The following RPGRIP1L variants were observed in gnomAD, a reference collection of about 807,000 sequenced individuals.
RPGRIP1L encodes the protein protein fantom.
In RPGRIP1L, 131 loss-of-function variants were observed where a neutral mutation model predicts 160.4. The ratio of observed to expected loss-of-function variants is 0.82; its 90% CI spans 0.71 to 0.94. The LOEUF (loss-of-function observed/expected upper bound fraction) is 0.94, where lower values mean the gene tolerates loss of function less well. Among genes scored for constraint, RPGRIP1L ranks in the 40% least tolerant of loss-of-function variants. The pLI, the probability that RPGRIP1L is intolerant of heterozygous loss-of-function variation, is 0.00. For missense variants in RPGRIP1L, 1,522 were observed against 1,535.8 expected, an observed-to-expected ratio of 0.99 and a Z score of 0.15; for synonymous variants, 510 against 515.8, an observed-to-expected ratio of 0.99 and a Z score of 0.15.
chr16:53,700,775 C>T, intron 1 of RPGRIP1L, 45 bp from the exon 2 acceptor site: 1 of 1,434,562 alleles, frequency 7.0e-7, no homozygotes. Flanking sequence ...CAAATTATTA[C>T]ATTAACTATG....
chr16:53,613,412 T>G (rs1964175615), intron 24 of RPGRIP1L, among the ~76,000 whole-genome samples: 2 of 152,002 alleles, frequency 1.3e-5, no homozygotes, highest in African/African-American at 4.8e-5. Flanking sequence ...TGGGCTCAAC[T>G]GATCCTCCCA....
chr16:53,626,216 T>C (rs1235411279), intron 22 of RPGRIP1L, among the ~76,000 whole-genome samples: 1 of 146,166 alleles, frequency 6.8e-6, no homozygotes, highest in African/African-American at 2.5e-5. Context: ...ATGTCCTAAA[T>C]AATATACTGA....
At chr16:53,677,246 C>T (rs1050980422) in intron 6 of RPGRIP1L, among the ~76,000 whole-genome samples, 1 of 152,020 alleles carries the variant, frequency 6.6e-6, no homozygotes, top group Non-Finnish European at 1.5e-5. Context: ...ATACAACTTA[C>T]GTAGTATTTA....
chr16:53,673,075 CT>C, intron 7 of RPGRIP1L, 59 bp from the exon 8 acceptor site: 1 of 1,475,938 alleles, frequency 6.8e-7, no homozygotes, highest in Non-Finnish European at 9.4e-7. Context: ...TTAAATTTGA[CT>C]AAATGATTTG....
intron 24 of RPGRIP1L, among the ~76,000 whole-genome samples, chr16:53,612,033 A>G (rs961513767): frequency 1.3e-5 from 2 of 152,222 alleles, no homozygotes; most frequent in Admixed American, 6.5e-5. Flanking sequence ...TCCCTGAACA[A>G]TTTTAGTTCA....
At chr16:53,604,263 A>G (rs1963540459) in intron 26 of RPGRIP1L, among the ~76,000 whole-genome samples, 1 of 152,262 alleles carries the variant, frequency 6.6e-6, no homozygotes, top group African/African-American at 2.4e-5. Context: ...ACTTTTCAGC[A>G]CTTGACACAT....
chr16:53,624,744 TG>T, intron 22 of RPGRIP1L, among the ~76,000 whole-genome samples: 1 of 151,878 alleles, frequency 6.6e-6, no homozygotes, highest in East Asian at 1.9e-4. Flanking sequence ...CATAAGAAAA[TG>T]GGAGTCCCTC....
At chr16:53,645,308 CAAT>C (rs917640714) in intron 17 of RPGRIP1L, among the ~76,000 whole-genome samples, 5 of 151,350 alleles carry the variant, frequency 3.3e-5, no homozygotes, top group African/African-American at 1.2e-4. Flanking sequence ...TACATATATA[CAAT>C]AATAATTGCA....
intron 24 of RPGRIP1L, among the ~76,000 whole-genome samples, chr16:53,614,712 A>G (rs966354918): frequency 1.3e-5 from 2 of 152,198 alleles, no homozygotes; most frequent in Admixed American, 6.5e-5. Flanking sequence ...CATCCTATAA[A>G]AAGTGACTCT....
At chr16:53,625,302 C>T (rs1302091916) in intron 22 of RPGRIP1L, among the ~76,000 whole-genome samples, 1 of 151,374 alleles carries the variant, frequency 6.6e-6, no homozygotes, top group South Asian at 2.1e-4. Flanking sequence ...AGCCGCCCAT[C>T]GTCTGGGATG....
At chr16:53,691,203 T>C (rs1317820477) in intron 4 of RPGRIP1L, among the ~76,000 whole-genome samples, 1 of 152,084 alleles carries the variant, frequency 6.6e-6, no homozygotes, top group African/African-American at 2.4e-5. Context: ...TAAAGTATAG[T>C]CTAAACAAAA....
In RPGRIP1L at chr16:53,687,846, C is replaced by T; in HGVS notation, c.632+17G>A. The T allele has an allele frequency of 6.7e-7, 1 of 1,482,324 alleles. No homozygotes were observed. The highest frequency in any genetic ancestry group is 9.4e-7 in the Non-Finnish European group (1 of 1,061,204). The allele number at this position is 1,482,324 out of a possible 1,614,324, so 91.8% of individuals were successfully genotyped here. ...AATAACCAAAGTTCTCAAATTACCA[C>T]AAAAAAGAACACATACAAATTTCTT... On this transcript the variant is annotated intron_variant, in intron 5 of 26. Transcript: ENST00000647211.
At chr16:53,657,277 T>C (rs1222327218) in intron 13 of RPGRIP1L, among the ~76,000 whole-genome samples, 176 bp downstream of exon 13, 2 of 152,160 alleles carry the variant, frequency 1.3e-5, no homozygotes, top group African/African-American at 2.4e-5. Context: ...TTATTTGTTT[T>C]AAAACTATTT....
intron 26 of RPGRIP1L, among the ~76,000 whole-genome samples, chr16:53,604,956 T>C (rs1484825793): frequency 6.6e-6 from 1 of 152,094 alleles, no homozygotes; most frequent in Non-Finnish European, 1.5e-5. Context: ...GGTGGGCAGA[T>C]CACTTGAGCC....
intron 22 of RPGRIP1L, among the ~76,000 whole-genome samples, chr16:53,633,218 A>G (rs954265854): frequency 6.6e-6 from 1 of 152,208 alleles, no homozygotes; most frequent in Non-Finnish European, 1.5e-5. Flanking sequence ...TTAAGCTTAC[A>G]AAAGGATTTA....
chr16:53,647,839 C>T (rs1018882953), intron 16 of RPGRIP1L, among the ~76,000 whole-genome samples: 1 of 152,170 alleles, frequency 6.6e-6, no homozygotes, highest in African/African-American at 2.4e-5. Context: ...GCTGCGGTGG[C>T]TCATGCCTGT....
intron 23 of RPGRIP1L, among the ~76,000 whole-genome samples, chr16:53,621,858 C>A (rs1038162353): frequency 1.3e-5 from 2 of 149,324 alleles, no homozygotes; most frequent in African/African-American, 4.9e-5. Context: ...CCCGTCTCTA[C>A]TAAAAATACA....
chr16:53,614,927 C>A (rs1437173296), intron 24 of RPGRIP1L, among the ~76,000 whole-genome samples: 3 of 152,148 alleles, frequency 2.0e-5, no homozygotes, highest in African/African-American at 7.2e-5. Context: ...TTTACTTCTG[C>A]AAGCTGGATA....
Position 53,636,543 on chromosome 16 carries a change from A to G in RPGRIP1L, c.3221-31T>C, listed in dbSNP as rs189776672. ...TAAAAAATAAAAGGGTAACATTTAC[A>G]CAAGTTAAACCAATTCTACTTATAC... On this transcript the variant is annotated intron_variant, in intron 21 of 26. Coordinates refer to ENST00000647211, the MANE Select transcript of RPGRIP1L (RefSeq NM_015272.5). 149 of 1,464,690 alleles carry G rather than the reference A, an allele frequency of 1.0e-4. 1 individual carries two copies. Among genetic ancestry groups the G allele is most frequent in the East Asian group, 6.8e-4 (30 of 44,058 alleles). 90.7% of individuals were successfully genotyped at this position (1,464,690 alleles called of 1,614,324 possible). A position where few individuals can be genotyped will look rare whatever the true frequency, so the allele number is the denominator to read the frequency against.
Sources: gnomAD v4.1 joint callset for allele counts (sites outside exome capture counted in the v4.1 genomes callset) on GRCh38, gnomAD v4.1.1 for gene constraint, MANE v1.5 for transcripts, NCBI Gene and HGNC (gene_info 2026-07-23, HGNC 2026-07-21) for gene names.